Variants in MTTP observed in about 807,000 individuals in gnomAD.
MTTP encodes microsomal triglyceride transfer protein large subunit.
Under a neutral mutation model 90.6 loss-of-function variants are expected in MTTP, and 49 were observed. The ratio of observed to expected loss-of-function variants is 0.54; its 90% CI spans 0.43 to 0.69. MTTP has a LOEUF of 0.69. MTTP is among the 30% of genes least tolerant of loss of function. MTTP has a pLI of 0.00. For synonymous variants in MTTP, 347 were observed against 384.2 expected (o/e 0.90, Z 1.13); for missense variants, 945 against 1,067.5 (o/e 0.89, Z 1.60).
chr4:99,594,909 A>C (rs750275188), intron 7 of MTTP, 26 bp downstream of exon 7: 5 of 1,611,394 alleles, frequency 3.1e-6, no homozygotes, highest in Non-Finnish European at 1.7e-6. Flanking sequence ...TATGGGAATA[A>C]TCATGACATC....
At chr4:99,608,998 C>G (rs778410244) in intron 12 of MTTP, 21 bp downstream of exon 12, 32 of 1,590,176 alleles carry the variant, frequency 2.0e-5, no homozygotes, top group Non-Finnish European at 2.7e-5. Context: ...TTGCACATGT[C>G]TCTCTGTGTA....
chr4:99,601,823 C>T (rs1329327721), intron 10 of MTTP, 109 bp downstream of exon 10: 4 of 868,682 alleles, frequency 4.6e-6, no homozygotes, highest in Admixed American at 1.8e-5. Context: ...CTCTATTCTA[C>T]TTACCTTATT....
chr4:99,610,699 C>T (rs1417472510), intron 12 of MTTP, among the ~76,000 whole-genome samples: 2 of 152,106 alleles, frequency 1.3e-5, no homozygotes, highest in Admixed American at 1.3e-4. Context: ...AGAAGAAATA[C>T]TGGAAATGTA....
At chr4:99,602,059 C>T (rs1453279403) in intron 10 of MTTP, among the ~76,000 whole-genome samples, 2 of 151,880 alleles carry the variant, frequency 1.3e-5, no homozygotes, top group Admixed American at 6.6e-5. Context: ...ATTGAGTGCC[C>T]ACTATGTACT....
intron 1 of MTTP, among the ~76,000 whole-genome samples, chr4:99,580,862 A>G (rs1725092816): frequency 1.3e-5 from 2 of 152,168 alleles, no homozygotes; most frequent in South Asian, 4.1e-4. Flanking sequence ...AGGCCTTTTC[A>G]GGCATTGCAA....
intron 11 of MTTP, among the ~76,000 whole-genome samples, chr4:99,607,466 T>TA (rs1578250445): frequency 6.6e-6 from 1 of 152,258 alleles, no homozygotes; most frequent in Admixed American, 6.5e-5. Flanking sequence ...TCATGATGGT[T>TA]AGGGGCACAG....
intron 1 of MTTP, among the ~76,000 whole-genome samples, chr4:99,581,180 T>C (rs972226426): frequency 6.6e-6 from 1 of 152,230 alleles, no homozygotes; most frequent in Non-Finnish European, 1.5e-5. Context: ...CTAGGTAAAC[T>C]GAATTGGATA....
In MTTP at chr4:99,606,795, A is replaced by T. The variant is rs1317480241; in HGVS notation, c.1392A>T (p.Ala464=). 1 of 1,614,098 alleles carries T rather than the reference A, an allele frequency of 6.2e-7. No individual in the cohort carries two copies. Among genetic ancestry groups the T allele is most frequent in the Non-Finnish European group, 8.5e-7 (1 of 1,180,010 alleles). Residue 464 remains alanine, a synonymous_variant, in exon 11 of 18, where the codon GCA becomes GCT. Coordinates refer to ENST00000265517, the MANE Select transcript of MTTP (RefSeq NM_001386140.1). ...KKLILGGLEK[A]EKKEDTRMYL... ...TAATCCTGGGAGGACTTGAAAAAGCAGAGAAAAAAGAGGACACCAGGATGT... is the reference window on the plus strand; with the variant it reads ...TAATCCTGGGAGGACTTGAAAAAGCTGAGAAAAAAGAGGACACCAGGATGT...
chr4:99,580,151 TCA>T (rs1398921848), intron 1 of MTTP, among the ~76,000 whole-genome samples: 1 of 151,604 alleles, frequency 6.6e-6, no homozygotes, highest in Non-Finnish European at 1.5e-5. Flanking sequence ...CAACAGGTAC[TCA>T]CTATATTCTA....
At chr4:99,601,737 GTATTACA>G in intron 10 of MTTP, 23 bp downstream of exon 10, 1 of 1,515,860 alleles carries the variant, frequency 6.6e-7, no homozygotes, top group Non-Finnish European at 9.2e-7. Context: ...CCAATCTCAT[GTATTACA>G]TCATTCTACA....
intron 3 of MTTP, chr4:99,584,159 GA>G (rs1327504869): frequency 6.6e-6 from 1 of 152,032 alleles, no homozygotes; most frequent in Non-Finnish European, 1.5e-5. Context: ...CTAGTCAATT[GA>G]AATGGTCTAA....
intron 3 of MTTP, among the ~76,000 whole-genome samples, chr4:99,587,993 A>G (rs1171412973): frequency 6.6e-6 from 1 of 152,164 alleles, no homozygotes; most frequent in East Asian, 1.9e-4. Flanking sequence ...TCGGACAAAC[A>G]CTATTCCAAC....
Position 99,613,047 on chromosome 4 carries a change from C to T in MTTP, c.2124C>T (p.Asn708=), listed in dbSNP as rs768562163. 1.2e-5 allele frequency: 20 copies of T among 1,613,938 alleles called. No homozygotes were observed. Among genetic ancestry groups the T allele is most frequent in the East Asian group, 6.7e-5 (3 of 44,894 alleles). The change falls in exon 15 of 18, where the codon AAC becomes AAT. Residue 708 remains asparagine (N), a synonymous_variant. Coordinates refer to ENST00000265517, the MANE Select transcript of MTTP (RefSeq NM_001386140.1). ...AGCTCAGACCTGTCACCTTTTTCAACGGATACAGTGATTTGATGTCCAAAA... is the reference window on the plus strand; with the variant it reads ...AGCTCAGACCTGTCACCTTTTTCAATGGATACAGTGATTTGATGTCCAAAA... ...DVQLRPVTFF[N]GYSDLMSKML...
At position 99,597,234 on chromosome 4, in the gene MTTP, C is replaced by A; in HGVS notation, c.1067+10C>A. On this transcript the variant is annotated intron_variant, in intron 8 of 17. Transcript: ENST00000265517. ...AAAATAAGGAAGTATTGTAAGTTCC[C>A]CAACCTTTGTGTGGGGTTGTCTGTC... 6.2e-7 allele frequency: 1 copy of A among 1,612,042 alleles called. No individual in the cohort carries two copies. The highest frequency in any genetic ancestry group is 1.3e-5 in the African/African-American group (1 of 74,990).
intron 10 of MTTP, among the ~76,000 whole-genome samples, chr4:99,603,438 T>C (rs1399234939): frequency 1.3e-5 from 2 of 152,096 alleles, no homozygotes; most frequent in African/African-American, 4.8e-5. Context: ...GTTAGTGAGA[T>C]CTGACTGGAA....
At chr4:99,622,608 C>T in intron 17 of MTTP, 69 bp from the exon 18 acceptor site, 2 of 1,535,058 alleles carry the variant, frequency 1.3e-6, no homozygotes, top group Non-Finnish European at 1.8e-6. Context: ...CATTCAGTAA[C>T]TTGGCTGGAG....
Position 99,583,420 on chromosome 4 carries a change from A to C in MTTP, c.296A>C (p.Lys99Thr), listed in dbSNP as rs1725176152. 1 of 1,613,408 alleles carries C rather than the reference A, an allele frequency of 6.2e-7. No individual in the cohort carries two copies. The highest frequency in any genetic ancestry group is 8.5e-7 in the Non-Finnish European group (1 of 1,179,760). Reference sequence around the variant, plus strand: ...AATGTGAATCAGCAGAGAGGAGAGAAGAGCATCTTCAAAGGAAAAAGCCCA... The same window carrying C: ...AATGTGAATCAGCAGAGAGGAGAGACGAGCATCTTCAAAGGAAAAAGCCCA... ...VENVNQQRGE[K>T]SIFKGKSPSK... is the part of the protein sequence containing the mutation. Residue 99 changes from lysine (K) to threonine (T), a missense_variant, in exon 3 of 18, where the codon AAG (lysine) becomes ACG (threonine). Coordinates refer to ENST00000265517, the MANE Select transcript of MTTP (RefSeq NM_001386140.1).
rs1037319735 is a variant in MTTP at position 99,594,756 on chromosome 4, C to G, written c.782C>G (p.Thr261Ser). 1.9e-6 allele frequency: 3 copies of G among 1,613,946 alleles called. No individual in the cohort carries two copies. In the East Asian group the frequency reaches 6.7e-5, roughly 36 times the overall value. The change falls in exon 7 of 18, where the codon ACC becomes AGC. Residue 261 changes from threonine (T) to serine (S), a missense_variant. By Grantham distance (58) the Thr-to-Ser change is moderately conservative. Coordinates refer to ENST00000265517, the MANE Select transcript of MTTP (RefSeq NM_001386140.1). ...AGGCAGAAATTAGAGCTGAAGACAA[C>G]CGAAGCAGGCCCAAGATTGATGTCT... ...VSKQKLELKTTEAGPRLMSGK... is the reference protein window; with the variant it reads ...VSKQKLELKTSEAGPRLMSGK...
intron 15 of MTTP, among the ~76,000 whole-genome samples, chr4:99,617,417 A>G (rs1394085175): frequency 2.0e-5 from 3 of 152,116 alleles, no homozygotes; most frequent in African/African-American, 7.2e-5. Flanking sequence ...GTTTCCTGTG[A>G]CCTTTTTTTG....
Sources: allele counts gnomAD v4.1 joint callset (sites outside exome capture counted in the v4.1 genomes callset), GRCh38; gene constraint gnomAD v4.1.1; transcripts MANE v1.5; gene names NCBI Gene and HGNC (gene_info 2026-07-23, HGNC 2026-07-21).